FBXL17: variants seen among roughly 807,000 people sequenced by gnomAD.
The protein encoded by FBXL17 is F-box and leucine rich repeat protein 17, also known as F-box/LRR-repeat protein 17.
A neutral mutation model predicts 66.2 loss-of-function variants in FBXL17; 22 were observed. The observed-to-expected ratio is 0.33, with a 90% CI of 0.24 to 0.47. The LOEUF is 0.47. Among genes scored for constraint, FBXL17 ranks in the 20% least tolerant of loss-of-function variants. The pLI is 1.00. For missense variants in FBXL17, 878 were observed against 948.2 expected, an observed-to-expected ratio of 0.93 and a Z score of 0.97; for synonymous variants, 474 against 400.5, an observed-to-expected ratio of 1.18 and a Z score of -2.19.
intron 6 of FBXL17, among the ~76,000 whole-genome samples, chr5:108,105,140 C>CTTTTTTTTTTTT (rs1749747213): frequency 1.3e-5 from 2 of 152,090 alleles, no homozygotes; most frequent in African/African-American, 4.8e-5. Flanking sequence ...CACACCTGGC[C>CTTTTTTTTTTTT]GTGATTTTTT....
At chr5:107,886,805 G>A (rs957001407) in intron 7 of FBXL17, among the ~76,000 whole-genome samples, 2 of 151,406 alleles carry the variant, frequency 1.3e-5, no homozygotes, top group African/African-American at 4.9e-5. Context: ...TTCTTGCCAA[G>A]ATGAATAACT....
chr5:108,075,154 G>A (rs1374095306), intron 6 of FBXL17, among the ~76,000 whole-genome samples: 2 of 152,072 alleles, frequency 1.3e-5, no homozygotes, highest in African/African-American at 4.8e-5. Context: ...TACTTTGTTG[G>A]CTCTGTTTCT....
intron 6 of FBXL17, among the ~76,000 whole-genome samples, chr5:108,056,879 T>G (rs185916530): frequency 4.5e-4 from 69 of 152,318 alleles, no homozygotes; most frequent in Non-Finnish European, 7.8e-4. Context: ...CTACAGGACA[T>G]TATAAAATGC....
At chr5:107,972,162 C>T (rs1752397529) in intron 7 of FBXL17, among the ~76,000 whole-genome samples, 1 of 151,910 alleles carries the variant, frequency 6.6e-6, no homozygotes, top group African/African-American at 2.4e-5. Context: ...AGAGCAGGCA[C>T]TCAAAAGATA....
At chr5:108,276,259 A>T (rs966492735) in intron 4 of FBXL17, among the ~76,000 whole-genome samples, 1 of 152,172 alleles carries the variant, frequency 6.6e-6, no homozygotes, top group Non-Finnish European at 1.5e-5. Flanking sequence ...TTGTTAGAAT[A>T]TGAAAACATT....
At chr5:108,286,558 T>G (rs756525822) in intron 4 of FBXL17, among the ~76,000 whole-genome samples, 1 of 151,754 alleles carries the variant, frequency 6.6e-6, no homozygotes, top group Non-Finnish European at 1.5e-5. Flanking sequence ...CAAAAAAGAA[T>G]AAAATACCAA....
At chr5:107,877,538 TAA>T (rs1748650508) in intron 8 of FBXL17, among the ~76,000 whole-genome samples, 1 of 152,154 alleles carries the variant, frequency 6.6e-6, no homozygotes, top group East Asian at 1.9e-4. Flanking sequence ...AAATTAAATA[TAA>T]GTGGCCCTCA....
chr5:108,182,340 T>A (rs1464035953), intron 6 of FBXL17, among the ~76,000 whole-genome samples: 1 of 152,216 alleles, frequency 6.6e-6, no homozygotes, highest in Non-Finnish European at 1.5e-5. Flanking sequence ...GCTGAAATTA[T>A]AATTAAGTCT....
At chr5:107,880,787 T>C (rs1333916055) in intron 8 of FBXL17, 25 of 1,343,252 alleles carry the variant, frequency 1.9e-5, no homozygotes, top group Admixed American at 3.2e-5. Context: ...TAGTTGACTA[T>C]GTATATGATT....
Position 107,860,689 on chromosome 5 carries a change from C to G in FBXL17, c.*1031G>C, listed in dbSNP as rs1212284213. 1 of 152,416 alleles carries G rather than the reference C, an allele frequency of 6.6e-6. No individual in the cohort carries two copies. Among genetic ancestry groups the G allele is most frequent in the Non-Finnish European group, 1.5e-5 (1 of 67,980 alleles). 9.4% of individuals were successfully genotyped at this position (152,416 alleles called of 1,614,324 possible). On this transcript the variant is annotated 3_prime_UTR_variant, in exon 9 of 9. Transcript: ENST00000542267. ...ATATCCAAAAAACCTGTTCAAGAAC[C>G]CAAAGCAAAGCAAAAAGAGCAACAA... is the stretch of plus-strand genomic sequence containing the variant.
At position 108,380,924 on chromosome 5, in the gene FBXL17, C is replaced by A; in HGVS notation, c.768G>T (p.Gln256His). ...GAGAAGAGGGCGGAGGGCAGAGCGG[C>A]TGCGGGGGCTGCTCCGGGGCCTGGC... Reference protein sequence around the residue: ...GCCQAPEQPPQPLCPPPSSPT... With the variant: ...GCCQAPEQPPHPLCPPPSSPT... Residue 256 changes from glutamine (Q) to histidine (H), a missense_variant, in exon 1 of 9, where the codon CAG (glutamine) becomes CAT (histidine). Physicochemically the swap from Gln to His is conservative, Grantham distance 24. Coordinates refer to ENST00000542267, the MANE Select transcript of FBXL17 (RefSeq NM_001163315.3). 1 of 1,223,380 alleles carries A rather than the reference C, an allele frequency of 8.2e-7. No individual in the cohort carries two copies. Among genetic ancestry groups the A allele is most frequent in the Non-Finnish European group, 1.0e-6 (1 of 979,690 alleles). 75.8% of individuals were successfully genotyped at this position (1,223,380 alleles called of 1,614,324 possible).
chr5:108,055,079 T>C (rs2112831315), intron 6 of FBXL17, among the ~76,000 whole-genome samples: 1 of 152,140 alleles, frequency 6.6e-6, no homozygotes, highest in South Asian at 2.1e-4. Flanking sequence ...TCCAAGGGTT[T>C]TTAAAAATTT....
chr5:108,159,976 G>C (rs1306265930), intron 6 of FBXL17, among the ~76,000 whole-genome samples: 3 of 151,872 alleles, frequency 2.0e-5, no homozygotes, highest in African/African-American at 7.3e-5. Flanking sequence ...AAATATGATT[G>C]CAATAGTATA....
chr5:108,020,771 AT>A (rs1214229755), intron 7 of FBXL17, 153 bp downstream of exon 7: 6 of 547,518 alleles, frequency 1.1e-5, no homozygotes, highest in African/African-American at 1.9e-5. Flanking sequence ...TTAGCTCATA[AT>A]TTTTTTATTT....
At position 108,232,794 on chromosome 5, in the gene FBXL17, T is replaced by TATATATATATATATATATATAAA. The variant is rs1294290778; in HGVS notation, c.1507-8567_1507-8566insTTTATATATATATATATATATAT. 4.3e-3 allele frequency among the ~76,000 whole-genome samples: 539 copies of TATATATATATATATATATATAAA among 124,788 alleles called. 23 individuals are homozygous for TATATATATATATATATATATAAA. The highest frequency in any genetic ancestry group is 0.016 in the African/African-American group (502 of 31,096). The allele number at this position is 124,788 out of a possible 152,430, so 81.9% of individuals were successfully genotyped here. On this transcript the variant is annotated intron_variant, in intron 4 of 8. Transcript: ENST00000542267. Reference sequence around the variant, plus strand: ...GAATAAGCTCTCACATATATATATATATATATATATAATATATACTATTAG... The same window carrying TATATATATATATATATATATAAA: ...GAATAAGCTCTCACATATATATATATATATATATATATATATATATAAAATATATATATAATATATACTATTAG...
In FBXL17 at chr5:107,871,057, C is replaced by CAAAAAAAAAAAAAAAAAA. The variant is rs201752049; in HGVS notation, c.1966-9215_1966-9198dup. On this transcript the variant is annotated intron_variant, in intron 8 of 8. Coordinates refer to ENST00000542267, the MANE Select transcript of FBXL17 (RefSeq NM_001163315.3). The stretch of plus-strand genomic sequence containing the variant: ...GGTAAGAAATATTACTCTTGGGCGG[C>CAAAAAAAAAAAAAAAAAA]AAAAAAAAAAAAAAAAAAAAAACCT... Among the ~76,000 whole-genome samples the CAAAAAAAAAAAAAAAAAA allele has an allele frequency of 2.6e-3, 169 of 65,838 alleles. 10 individuals are homozygous for CAAAAAAAAAAAAAAAAAA. The highest frequency in any genetic ancestry group is 4.3e-3 in the South Asian group (9 of 2,086). 43.2% of individuals were successfully genotyped at this position (65,838 alleles called of 152,430 possible).
At chr5:108,156,560 T>C (rs17384285) in intron 6 of FBXL17, among the ~76,000 whole-genome samples, 18,027 of 151,940 alleles carry the variant, frequency 0.12, 1,272 homozygotes, top group East Asian at 0.16. Context: ...TCAAAGTTTG[T>C]GGAAATTTTA....
chr5:108,133,390 T>A (rs1751011582), intron 6 of FBXL17, among the ~76,000 whole-genome samples: 1 of 152,184 alleles, frequency 6.6e-6, no homozygotes, highest in Non-Finnish European at 1.5e-5. Context: ...GCATTTGAAT[T>A]CTATGTGCCA....
At chr5:108,101,450 T>A (rs778020530) in intron 6 of FBXL17, among the ~76,000 whole-genome samples, 1 of 152,224 alleles carries the variant, frequency 6.6e-6, no homozygotes, top group Non-Finnish European at 1.5e-5. Flanking sequence ...ATAAACTTAG[T>A]GCTGGGCCCA....
Sources: gnomAD v4.1 joint callset for allele counts (sites outside exome capture counted in the v4.1 genomes callset) on GRCh38, gnomAD v4.1.1 for gene constraint, MANE v1.5 for transcripts, NCBI Gene and HGNC (gene_info 2026-07-23, HGNC 2026-07-21) for gene names.